Variants in RIC1 observed in about 807,000 individuals in gnomAD.
The protein encoded by RIC1 is RIC1 partner of RAB6A GEF complex, also known as guanine nucleotide exchange factor subunit RIC1.
A neutral mutation model predicts 169.0 loss-of-function variants in RIC1; 88 were observed. The ratio of observed to expected loss-of-function variants is 0.52; its 90% CI spans 0.44 to 0.62. The LOEUF (loss-of-function observed/expected upper bound fraction) is 0.62. RIC1 is among the 20% of genes least tolerant of loss of function. The probability of loss-of-function intolerance (pLI) is 0.00; values close to 1 mark genes in which losing one functional copy is unlikely to be tolerated. For missense variants in RIC1, 1,877 were observed against 1,725.5 expected (o/e 1.09, Z -1.56); for synonymous variants, 790 against 601.5 (o/e 1.31, Z -4.59).
intron 3 of RIC1, among the ~76,000 whole-genome samples, chr9:5,700,026 T>TC (rs1427594854): frequency 2.6e-5 from 4 of 152,036 alleles, no homozygotes; most frequent in African/African-American, 9.7e-5. Context: ...TTTTTTTTTT[T>TC]TTTTCCTTTC....
chr9:5,756,719 C>A (rs940533206), intron 16 of RIC1, among the ~76,000 whole-genome samples: 2 of 152,044 alleles, frequency 1.3e-5, no homozygotes, highest in Non-Finnish European at 2.9e-5. Flanking sequence ...TGAAGGAGTT[C>A]TACAACTTTA....
At chr9:5,635,370 G>C (rs1817922785) in intron 1 of RIC1, among the ~76,000 whole-genome samples, 1 of 152,072 alleles carries the variant, frequency 6.6e-6, no homozygotes, top group Non-Finnish European at 1.5e-5. Context: ...TGTAAGATAA[G>C]GGTCCAGTTT....
In RIC1 at chr9:5,775,045, G is replaced by T. The variant is rs894168533; in HGVS notation, c.*799G>T. On this transcript the variant is annotated 3_prime_UTR_variant, in exon 26 of 26. Coordinates refer to ENST00000414202, the MANE Select transcript of RIC1 (RefSeq NM_020829.4). ...GTATTATAATTTGCAAGGTTTTAAT[G>T]CTGGATTCTGCATGTCTACACATAC... The T allele has an allele frequency of 2.0e-5, 3 of 152,178 alleles. No homozygotes were observed. Among genetic ancestry groups the T allele is most frequent in the Non-Finnish European group, 4.4e-5 (3 of 68,034 alleles). 9.4% of individuals were successfully genotyped at this position (152,178 alleles called of 1,614,324 possible).
intron 8 of RIC1, 133 bp from the exon 9 acceptor site, chr9:5,742,736 T>C: frequency 1.3e-6 from 1 of 793,306 alleles, no homozygotes; most frequent in Non-Finnish European, 2.0e-6. Flanking sequence ...ATGACCAGGA[T>C]TTATTTTTGG....
At chr9:5,654,484 G>A (rs548531778) in intron 1 of RIC1, among the ~76,000 whole-genome samples, 1 of 152,254 alleles carries the variant, frequency 6.6e-6, no homozygotes, top group Admixed American at 6.5e-5. Flanking sequence ...CTGACCTCAG[G>A]TGATTTGTCT....
chr9:5,750,993 TAGAATAA>T (rs1040068271), intron 12 of RIC1, among the ~76,000 whole-genome samples: 7 of 151,918 alleles, frequency 4.6e-5, no homozygotes, highest in African/African-American at 1.7e-4. Flanking sequence ...TAGATTTTTG[TAGAATAA>T]AGAATAAATT....
At chr9:5,633,832 A>G (rs748263453) in intron 1 of RIC1, among the ~76,000 whole-genome samples, 2 of 152,288 alleles carry the variant, frequency 1.3e-5, no homozygotes, top group South Asian at 4.1e-4. Context: ...TGGGCCATGC[A>G]TTAGGTCCCC....
chr9:5,700,078 C>A (rs1822126642), intron 3 of RIC1, among the ~76,000 whole-genome samples: 1 of 151,150 alleles, frequency 6.6e-6, no homozygotes, highest in African/African-American at 2.4e-5. Context: ...CATGGGCTGT[C>A]CCCACCCAAC....
chr9:5,711,569 T>TTATA (rs3068559), intron 3 of RIC1, among the ~76,000 whole-genome samples: 3 of 149,812 alleles, frequency 2.0e-5, no homozygotes, highest in Non-Finnish European at 4.4e-5. Context: ...TATCTTTATT[T>TTATA]TATATATATA....
Position 5,738,505 on chromosome 9 carries a change from CATAA to C in RIC1, c.871_874del (p.Lys291Ter). 1 of 1,509,594 alleles carries C rather than the reference CATAA, an allele frequency of 6.6e-7. No individual in the cohort carries two copies. The highest frequency in any genetic ancestry group is 9.1e-7 in the Non-Finnish European group (1 of 1,097,772). The allele number at this position is 1,509,594 out of a possible 1,614,324, so 93.5% of individuals were successfully genotyped here. A position where few individuals can be genotyped will look rare whatever the true frequency, so the allele number is the denominator to read the frequency against. ...CAGCACTGGAGCCATGCTGCTATCT[CATAA>C]ATTAGAGCTAACAGCAAAACAGTAT... is the stretch of plus-strand genomic sequence containing the variant. On this transcript the variant is annotated frameshift_variant, in exon 8 of 26. Coordinates refer to ENST00000414202, the MANE Select transcript of RIC1 (RefSeq NM_020829.4). LOFTEE classifies it high-confidence loss of function.
intron 3 of RIC1, among the ~76,000 whole-genome samples, chr9:5,696,067 A>C (rs928571843): frequency 1.3e-5 from 2 of 152,078 alleles, no homozygotes; most frequent in Admixed American, 1.3e-4. Flanking sequence ...TCAGTCATCA[A>C]ATTTTACTGA....
At chr9:5,753,730 G>C in intron 14 of RIC1, 84 bp downstream of exon 14, 1 of 548,870 alleles carries the variant, frequency 1.8e-6, no homozygotes. Flanking sequence ...TTATCACTAA[G>C]TAATTTTGGT....
intron 2 of RIC1, among the ~76,000 whole-genome samples, chr9:5,678,279 G>A (rs552501438): frequency 5.4e-4 from 82 of 152,266 alleles, no homozygotes; most frequent in Non-Finnish European, 9.3e-4. Context: ...TCAAGTGTTT[G>A]CTATTGTGAA....
chr9:5,755,922 TTAAA>T (rs55944285), intron 15 of RIC1, among the ~76,000 whole-genome samples: 164 of 148,292 alleles, frequency 1.1e-3, no homozygotes, highest in East Asian at 5.2e-3. Flanking sequence ...GACCCCGTCT[TTAAA>T]TAAATAAATA....
chr9:5,758,310 C>T (rs1183412249), intron 17 of RIC1, among the ~76,000 whole-genome samples: 1 of 152,146 alleles, frequency 6.6e-6, no homozygotes. Flanking sequence ...AACTGGGAAC[C>T]TACTGTCAGA....
chr9:5,685,950 T>A (rs1821192030), intron 2 of RIC1, among the ~76,000 whole-genome samples: 1 of 150,962 alleles, frequency 6.6e-6, no homozygotes, highest in Admixed American at 6.6e-5. Context: ...AACAAACCCA[T>A]CAAAAAGTGG....
intron 2 of RIC1, among the ~76,000 whole-genome samples, chr9:5,681,504 C>G (rs200481640): frequency 3.3e-5 from 5 of 152,150 alleles, no homozygotes; most frequent in African/African-American, 4.8e-5. Flanking sequence ...TATGGTCTGA[C>G]AGACAGTTTG....
chr9:5,738,546 T>TA lies in RIC1; in HGVS notation c.901+8_901+9insA. On this transcript the variant is annotated intron_variant, in intron 8 of 25. Transcript: ENST00000414202. ...CAGCAAAACAGTATCCTGGTGAGTC[T>TA]TTTTTTTTTTTTTTTTTTTTAACAT... 5.6e-6 allele frequency: 1 copy of TA among 177,562 alleles called. No individual in the cohort carries two copies. Among genetic ancestry groups the TA allele is most frequent in the Non-Finnish European group, 8.9e-6 (1 of 112,320 alleles). The allele number at this position is 177,562 out of a possible 1,614,324, so 11.0% of individuals were successfully genotyped here. A position where few individuals can be genotyped will look rare whatever the true frequency, so the allele number is the denominator to read the frequency against.
chr9:5,685,764 A>G (rs941351915), intron 2 of RIC1, among the ~76,000 whole-genome samples: 1 of 148,166 alleles, frequency 6.7e-6, no homozygotes, highest in Admixed American at 6.7e-5. Context: ...ACAAAAGCCA[A>G]AATTGACAAA....
Sources: gnomAD v4.1 joint callset for allele counts (sites outside exome capture counted in the v4.1 genomes callset) on GRCh38, gnomAD v4.1.1 for gene constraint, MANE v1.5 for transcripts, NCBI Gene and HGNC (gene_info 2026-07-23, HGNC 2026-07-21) for gene names.